SCP2: variants seen among roughly 807,000 people sequenced by gnomAD.
SCP2 encodes SCP-2/3-oxoacyl-CoA thiolase.
A neutral mutation model predicts 71.4 loss-of-function variants in SCP2; 48 were observed. That is an observed-to-expected ratio of 0.67 (90% CI 0.53 to 0.86). The LOEUF (loss-of-function observed/expected upper bound fraction) is 0.86. SCP2 is among the 40% of genes least tolerant of loss of function. The pLI, the probability that SCP2 is intolerant of heterozygous loss-of-function variation, is 0.00. For missense variants in SCP2, 560 were observed against 655.6 expected (o/e 0.85, Z 1.59); for synonymous variants, 220 against 218.1 (o/e 1.01, Z -0.08).
At chr1:53,038,857 C>T (rs1353578500) in intron 13 of SCP2, 60 bp from the exon 14 acceptor site, 3 of 1,602,698 alleles carry the variant, frequency 1.9e-6, no homozygotes, top group African/African-American at 1.3e-5. Flanking sequence ...CATGAATTTG[C>T]TTGAGGAGAA....
At chr1:52,965,441 T>G (rs1656860921) in intron 6 of SCP2, among the ~76,000 whole-genome samples, 1 of 152,220 alleles carries the variant, frequency 6.6e-6, no homozygotes, top group Admixed American at 6.5e-5. Flanking sequence ...TTTTTATTTA[T>G]TCAGTTCTGT....
At chr1:53,015,425 A>G (rs1395228693) in intron 12 of SCP2, among the ~76,000 whole-genome samples, 1 of 152,188 alleles carries the variant, frequency 6.6e-6, no homozygotes, top group East Asian at 1.9e-4. Flanking sequence ...TTCCGAGTCC[A>G]GCTAATAAGC....
intron 14 of SCP2, among the ~76,000 whole-genome samples, chr1:53,041,185 C>T (rs1216786595): frequency 2.0e-5 from 3 of 151,902 alleles, no homozygotes; most frequent in African/African-American, 4.8e-5. Context: ...GGGCGGATTA[C>T]GAGATCAGGA....
intron 13 of SCP2, among the ~76,000 whole-genome samples, chr1:53,035,699 A>G (rs1346714154): frequency 6.7e-6 from 1 of 148,584 alleles, no homozygotes; most frequent in African/African-American, 2.6e-5. Context: ...ATATTGGCAC[A>G]GAAATAGCTA....
chr1:53,050,036 A>T (rs1428416802), intron 15 of SCP2: 1 of 152,860 alleles, frequency 6.5e-6, no homozygotes, highest in Non-Finnish European at 1.5e-5. Flanking sequence ...ACATCATGTG[A>T]TCTAATCCCA....
At chr1:52,982,571 A>G (rs959373136) in intron 10 of SCP2, among the ~76,000 whole-genome samples, 1 of 152,132 alleles carries the variant, frequency 6.6e-6, no homozygotes, top group East Asian at 1.9e-4. Context: ...CTCCATCTCA[A>G]AAAAACAAAA....
At chr1:53,036,354 G>A (rs990987845) in intron 13 of SCP2, among the ~76,000 whole-genome samples, 1 of 149,732 alleles carries the variant, frequency 6.7e-6, no homozygotes, top group African/African-American at 2.4e-5. Context: ...TTAAAACAAT[G>A]CTGTGAATAA....
chr1:53,044,104 G>A (rs1663623057), intron 14 of SCP2, among the ~76,000 whole-genome samples: 1 of 151,910 alleles, frequency 6.6e-6, no homozygotes, highest in African/African-American at 2.4e-5. Context: ...TGTCACCCAG[G>A]TTGGAGTGCA....
chr1:53,026,099 T>C lies in SCP2; in HGVS notation c.1236-1870T>C, dbSNP rs184896816. 3.8e-3 allele frequency among the ~76,000 whole-genome samples: 580 copies of C among 151,716 alleles called. 3 individuals are homozygous for C. Among genetic ancestry groups the C allele is most frequent in the African/African-American group, 0.014 (557 of 41,196 alleles). ...GACTGTCCTTCCTAAAGTAGGTTCC[T>C]TTTTTTTAAATTTAAAATTATTTTT... is the stretch of plus-strand genomic sequence containing the variant. On this transcript the variant is annotated intron_variant, in intron 12 of 15. Transcript: ENST00000371514.
At chr1:52,954,684 T>TAA in intron 4 of SCP2, 56 bp from the exon 5 acceptor site, 1 of 1,324,998 alleles carries the variant, frequency 7.5e-7, no homozygotes, top group Non-Finnish European at 1.1e-6. Flanking sequence ...TATTTAATGG[T>TAA]ATTTTGTTGG....
At chr1:52,954,614 T>C in intron 4 of SCP2, 126 bp from the exon 5 acceptor site, 1 of 812,306 alleles carries the variant, frequency 1.2e-6, no homozygotes, top group Non-Finnish European at 2.1e-6. Flanking sequence ...TCTCCCAAAC[T>C]GATGGGACTA....
At chr1:52,951,138 C>T (rs958968357) in intron 4 of SCP2, among the ~76,000 whole-genome samples, 2 of 151,738 alleles carry the variant, frequency 1.3e-5, no homozygotes, top group African/African-American at 2.4e-5. Context: ...AAAAATTAGC[C>T]GGGTATGGTG....
chr1:53,037,911 CACACACACACA>C (rs1459307720), intron 13 of SCP2, among the ~76,000 whole-genome samples: 2 of 127,024 alleles, frequency 1.6e-5, no homozygotes, highest in African/African-American at 6.4e-5. Flanking sequence ...CACACACACA[CACACACACACA>C]CACACACAGA....
chr1:53,008,603 T>A (rs905742030), intron 11 of SCP2, among the ~76,000 whole-genome samples: 1 of 152,134 alleles, frequency 6.6e-6, no homozygotes, highest in Non-Finnish European at 1.5e-5. Flanking sequence ...AAACTCTCAA[T>A]AAACTAGGTA....
In SCP2 at chr1:52,978,209, C is replaced by T. The variant is rs773751204; in HGVS notation, c.675-8C>T. ...TGGGTGTGGAGAATTATTTTTACTT[C>T]CTCTTAGTCCCACTTCAGATGGTGC... is the stretch of plus-strand genomic sequence containing the variant. On this transcript the variant is annotated splice_region_variant and splice_polypyrimidine_tract_variant and intron_variant, in intron 8 of 15. Coordinates refer to ENST00000371514, the MANE Select transcript of SCP2 (RefSeq NM_002979.5). 6.2e-6 allele frequency: 10 copies of T among 1,613,026 alleles called. No individual in the cohort carries two copies. Among genetic ancestry groups the T allele is most frequent in the Middle Eastern group, 1.8e-4 (1 of 5,420 alleles).
intron 13 of SCP2, among the ~76,000 whole-genome samples, chr1:53,037,879 T>TACACACACACAC (rs34293671): frequency 4.1e-3 from 349 of 84,608 alleles, no homozygotes; most frequent in Non-Finnish European, 6.1e-3. Flanking sequence ...TGTCTCTACA[T>TACACACACACAC]ACACACACAC....
intron 6 of SCP2, among the ~76,000 whole-genome samples, chr1:52,974,233 C>T (rs1572117803): frequency 6.6e-6 from 1 of 151,636 alleles, no homozygotes; most frequent in Non-Finnish European, 1.5e-5. Flanking sequence ...CATTACTGTA[C>T]TTTTTTTTGT....
At chr1:53,045,264 C>T (rs1396489654) in intron 14 of SCP2, among the ~76,000 whole-genome samples, 3 of 152,180 alleles carry the variant, frequency 2.0e-5, no homozygotes, top group Admixed American at 6.5e-5. Context: ...ATCCTATCAC[C>T]ATAGCTTGAT....
chr1:52,978,607 G>A (rs1658194255), intron 9 of SCP2, among the ~76,000 whole-genome samples: 1 of 152,070 alleles, frequency 6.6e-6, no homozygotes, highest in African/African-American at 2.4e-5. Context: ...CTGTCACTCA[G>A]GCTGCAGTGC....
Sources: gnomAD v4.1 joint callset for allele counts (sites outside exome capture counted in the v4.1 genomes callset) on GRCh38, gnomAD v4.1.1 for gene constraint, MANE v1.5 for transcripts, NCBI Gene and HGNC (gene_info 2026-07-23, HGNC 2026-07-21) for gene names.